HTATIP2: variants seen among roughly 807,000 people sequenced by gnomAD.
HTATIP2 encodes the protein HIV-1 Tat interactive protein 2, also known as protein HTATIP2.
Under a neutral mutation model 24.7 loss-of-function variants are expected in HTATIP2, and 26 were observed. That is an observed-to-expected ratio of 1.05 (90% confidence interval 0.77 to 1.46). The LOEUF (loss-of-function observed/expected upper bound fraction) is 1.46. Ranked by LOEUF, HTATIP2 falls within the 40% of genes most tolerant of loss-of-function variation. The pLI is 0.00. For missense variants in HTATIP2, 284 were observed against 289.6 expected (o/e 0.98, Z 0.14); for synonymous variants, 99 against 113.2 (o/e 0.87, Z 0.79).
At position 20,364,346 on chromosome 11, in the gene HTATIP2, G is replaced by T. The variant is rs202128953; in HGVS notation, c.109G>T (p.Glu37Ter). ...AGAAACCGGCAGAGTGCTCTTAAAG[G>T]AAATCCTGGAGCAGGGCCTGTTTTC... ...SGETGRVLLKEILEQGLFSKV... is the reference protein window; with the variant it reads ...SGETGRVLLK The change falls in exon 1 of 5, where the codon GAA (glutamate) becomes TAA (stop). Residue 37 changes from glutamate (E) to a stop codon, truncating the protein, a stop_gained. Coordinates refer to ENST00000451739, the MANE Select transcript of HTATIP2 (RefSeq NM_001098522.2). LOFTEE classifies it high-confidence loss of function. The T allele has an allele frequency of 1.2e-5, 20 of 1,613,738 alleles. No homozygotes were observed. The Admixed American group carries it at 2.8e-4, about 23-fold the overall frequency.
intron 1 of HTATIP2, among the ~76,000 whole-genome samples, chr11:20,366,627 G>A (rs767439714): frequency 6.6e-6 from 1 of 152,026 alleles, no homozygotes; most frequent in Non-Finnish European, 1.5e-5. Context: ...TATTGGTGTG[G>A]GATGTAGGAA....
chr11:20,365,830 G>A (rs1388559491), intron 1 of HTATIP2, among the ~76,000 whole-genome samples: 2 of 151,802 alleles, frequency 1.3e-5, no homozygotes, highest in African/African-American at 4.8e-5. Flanking sequence ...AATTAGCTGG[G>A]CGTGGTGGTG....
chr11:20,378,453 G>A (rs371919606), intron 3 of HTATIP2, among the ~76,000 whole-genome samples: 28 of 152,210 alleles, frequency 1.8e-4, no homozygotes, highest in African/African-American at 6.3e-4. Flanking sequence ...CAGGCATGAG[G>A]GATCAGGCCC....
At chr11:20,379,019 G>A (rs1487314414) in intron 3 of HTATIP2, among the ~76,000 whole-genome samples, 2 of 151,660 alleles carry the variant, frequency 1.3e-5, no homozygotes, top group African/African-American at 4.8e-5. Flanking sequence ...CTTGGGGACA[G>A]AGTGAGACTC....
In HTATIP2 at chr11:20,383,774, G is replaced by A. The variant is rs980328215; in HGVS notation, c.*569G>A. The A allele has an allele frequency of 1.3e-5, 2 of 153,874 alleles. No individual in the cohort carries two copies. The highest frequency in any genetic ancestry group is 4.8e-5 in the African/African-American group (2 of 41,426). 9.5% of individuals were successfully genotyped at this position (153,874 alleles called of 1,614,324 possible). ...TTAAATAAAGGAATAAAGATGAATG[G>A]ACAACTCCTGGGTGCCTCTTAGATT... is the stretch of plus-strand genomic sequence containing the variant. On this transcript the variant is annotated 3_prime_UTR_variant, in exon 5 of 5. Transcript: ENST00000451739.
intron 2 of HTATIP2, among the ~76,000 whole-genome samples, chr11:20,373,558 G>T (rs1267414976): frequency 6.6e-6 from 1 of 152,088 alleles, no homozygotes; most frequent in African/African-American, 2.4e-5. Context: ...GAAAGAAAAA[G>T]TATTTTAACA....
intron 2 of HTATIP2, among the ~76,000 whole-genome samples, chr11:20,374,252 A>G (rs1440924351): frequency 1.3e-5 from 2 of 152,226 alleles, no homozygotes; most frequent in African/African-American, 4.8e-5. Context: ...TTTATGATAC[A>G]CTTCCATACA....
At position 20,383,380 on chromosome 11, in the gene HTATIP2, A is replaced by G; in HGVS notation, c.*175A>G. The stretch of plus-strand genomic sequence containing the variant: ...TCAGTGGTTCAGAGCCTGGTTATAC[A>G]TATAGATCACTCAGGGAGCTTTGGA... On this transcript the variant is annotated 3_prime_UTR_variant, in exon 5 of 5. Transcript: ENST00000451739. 1 of 589,070 alleles carries G rather than the reference A, an allele frequency of 1.7e-6. No individual in the cohort carries two copies. 36.5% of individuals were successfully genotyped at this position (589,070 alleles called of 1,614,324 possible). A position where few individuals can be genotyped will look rare whatever the true frequency, so the allele number is the denominator to read the frequency against.
chr11:20,376,136 A>G (rs1265948100), intron 2 of HTATIP2: 1 of 172,308 alleles, frequency 5.8e-6, no homozygotes, highest in Non-Finnish European at 1.2e-5. Flanking sequence ...TGGGAATTAA[A>G]TAGACTTTGT....
rs2403586 is a variant in HTATIP2 at position 20,382,708 on chromosome 11, A to T, written c.504-272A>T. 0.83 allele frequency among the ~76,000 whole-genome samples: 125,764 copies of T among 152,062 alleles called. 53,707 individuals are homozygous for T. The highest frequency in any genetic ancestry group is 0.95 in the Non-Finnish European group (64,555 of 68,008). On this transcript the variant is annotated intron_variant, in intron 4 of 4. Transcript: ENST00000451739. ...GTGTCCTCACATGGCCTTTCTTCTT[A>T]GTGTATGCAGACAGAGAGAGACCTC...
At chr11:20,378,702 T>G (rs1848478094) in intron 3 of HTATIP2, among the ~76,000 whole-genome samples, 1 of 152,138 alleles carries the variant, frequency 6.6e-6, no homozygotes, top group African/African-American at 2.4e-5. Flanking sequence ...TCTGAGGGCT[T>G]TTATGTGCAT....
chr11:20,382,333 T>G, intron 4 of HTATIP2, 94 bp downstream of exon 4: 1 of 731,966 alleles, frequency 1.4e-6, no homozygotes, highest in Admixed American at 2.4e-5. Context: ...AGCTGAAATA[T>G]CTAAGATATG....
At chr11:20,364,456 A>G in intron 1 of HTATIP2, 24 bp downstream of exon 1, 1 of 1,569,696 alleles carries the variant, frequency 6.4e-7, no homozygotes, top group South Asian at 1.1e-5. Flanking sequence ...CTGGGACTCA[A>G]ATGGACCCCC....
intron 3 of HTATIP2, among the ~76,000 whole-genome samples, chr11:20,380,191 A>G (rs1239763754): frequency 6.6e-6 from 1 of 152,238 alleles, no homozygotes; most frequent in African/African-American, 2.4e-5. Flanking sequence ...TTGTTTGTAC[A>G]GACAGTTTAG....
chr11:20,380,467 T>C (rs563261409), intron 3 of HTATIP2, among the ~76,000 whole-genome samples: 178 of 152,142 alleles, frequency 1.2e-3, no homozygotes, highest in African/African-American at 4.0e-3. Flanking sequence ...GGTCAGGAGA[T>C]TGAGACCATC....
chr11:20,365,954 GA>G (rs1189430521), intron 1 of HTATIP2, among the ~76,000 whole-genome samples: 1 of 131,092 alleles, frequency 7.6e-6, no homozygotes, highest in Non-Finnish European at 1.6e-5. Context: ...CTGGGTGACA[GA>G]GCGAGACTCT....
chr11:20,373,248 G>A (rs989144668), intron 2 of HTATIP2, among the ~76,000 whole-genome samples: 12 of 152,320 alleles, frequency 7.9e-5, no homozygotes, highest in African/African-American at 2.9e-4. Flanking sequence ...TCAGTCGTTA[G>A]CGAGGCGGGT....
At position 20,380,293 on chromosome 11, in the gene HTATIP2, A is replaced by G. The variant is rs186448264; in HGVS notation, c.442-1885A>G. 1.3e-5 allele frequency among the ~76,000 whole-genome samples: 2 copies of G among 152,252 alleles called. 1 individual carries two copies. The highest frequency in any genetic ancestry group is 4.8e-5 in the African/African-American group (2 of 41,478). ...ACAAGCCAGGGGCCAAACTTGTAAC[A>G]GGCCTTTCTAAGGATAGCAGTCTCA... On this transcript the variant is annotated intron_variant, in intron 3 of 4. Coordinates refer to ENST00000451739, the MANE Select transcript of HTATIP2 (RefSeq NM_001098522.2).
chr11:20,374,538 G>A (rs73447425), intron 2 of HTATIP2, among the ~76,000 whole-genome samples: 3,892 of 152,208 alleles, frequency 0.026, 164 homozygotes, highest in African/African-American at 0.088. Flanking sequence ...CCATCCTTAA[G>A]GCCAGCAATG....
Sources: allele counts gnomAD v4.1 joint callset (sites outside exome capture counted in the v4.1 genomes callset), GRCh38; gene constraint gnomAD v4.1.1; transcripts MANE v1.5; gene names NCBI Gene and HGNC (gene_info 2026-07-23, HGNC 2026-07-21).